Variants in ITIH2 observed in about 807,000 individuals in gnomAD.
ITIH2 encodes the protein inter-alpha-trypsin inhibitor heavy chain 2.
Under a neutral mutation model 104.4 loss-of-function variants are expected in ITIH2, and 103 were observed. The ratio of observed to expected loss-of-function variants is 0.99; its 90% CI spans 0.84 to 1.16. The LOEUF is 1.16. ITIH2 is among the 50% of genes most tolerant of loss of function. The pLI is 0.00. For missense variants in ITIH2, 1,108 were observed against 1,162.4 expected (o/e 0.95, Z 0.68); for synonymous variants, 436 against 435.4 (o/e 1.00, Z -0.02).
chr10:7,718,105 C>T (rs909207287), intron 6 of ITIH2, among the ~76,000 whole-genome samples: 1 of 152,102 alleles, frequency 6.6e-6, no homozygotes, highest in Non-Finnish European at 1.5e-5. Flanking sequence ...GAGCTGCACT[C>T]TCTCTCTCTG....
At position 7,703,442 on chromosome 10, in the gene ITIH2, G is replaced by C. The variant is rs141898195; in HGVS notation, c.8G>C (p.Arg3Thr). ...GCAAAACTGTCCAGCAAAATGAAAA[G>C]ACTCACGTGCTTTTTCATCTGCTTC... MK[R>T]LTCFFICFFL... The change falls in exon 1 of 21, where the codon AGA becomes ACA. Residue 3 changes from arginine (R) to threonine (T), a missense_variant. Transcript: ENST00000358415. 174 of 1,613,314 alleles carry C rather than the reference G, an allele frequency of 1.1e-4. 3 individuals are homozygous for C. The East Asian group carries it at 3.8e-3, about 36-fold the overall frequency.
chr10:7,712,361 C>T (rs1357926372), intron 4 of ITIH2, among the ~76,000 whole-genome samples: 3 of 152,110 alleles, frequency 2.0e-5, no homozygotes, highest in African/African-American at 7.2e-5. Context: ...TCTCCAAGGC[C>T]CCACCTCGTA....
intron 1 of ITIH2, among the ~76,000 whole-genome samples, chr10:7,704,204 T>C (rs59025167): frequency 0.07 from 10,649 of 152,298 alleles, 386 homozygotes; most frequent in Admixed American, 0.084. Context: ...AAGCATGTTA[T>C]GGGAACATCC....
At chr10:7,724,837 G>A (rs115250487) in intron 9 of ITIH2, among the ~76,000 whole-genome samples, 2,312 of 152,086 alleles carry the variant, frequency 0.015, 51 homozygotes, top group African/African-American at 0.05. Flanking sequence ...CAAATATAAC[G>A]TCAGACATTG....
chr10:7,739,710 A>G (rs1483298613), intron 16 of ITIH2, among the ~76,000 whole-genome samples: 5 of 151,748 alleles, frequency 3.3e-5, no homozygotes, highest in African/African-American at 1.2e-4. Flanking sequence ...AAAAAAAACA[A>G]AAACAAAAAC....
At chr10:7,719,760 CAAAAA>C (rs71385664) in intron 6 of ITIH2, among the ~76,000 whole-genome samples, 966 of 41,676 alleles carry the variant, frequency 0.023, 6 homozygotes, top group Non-Finnish European at 0.033. Context: ...GACCCTGTCT[CAAAAA>C]AAAAAAAAAA....
chr10:7,720,749 C>T (rs893919599), intron 6 of ITIH2, 107 bp from the exon 7 acceptor site: 9 of 669,086 alleles, frequency 1.3e-5, no homozygotes, highest in African/African-American at 7.2e-5. Context: ...GCCCGGGAAA[C>T]CTGCGGAGGA....
At chr10:7,746,444 T>C in intron 19 of ITIH2, 149 bp from the exon 20 acceptor site, 1 of 601,856 alleles carries the variant, frequency 1.7e-6, no homozygotes, top group Non-Finnish European at 3.0e-6. Context: ...GGACCCTCCC[T>C]CCCATCACCA....
chr10:7,736,454 T>C (rs1480491750), intron 15 of ITIH2, among the ~76,000 whole-genome samples: 2 of 152,190 alleles, frequency 1.3e-5, no homozygotes, highest in Non-Finnish European at 2.9e-5. Context: ...TATATCCTAT[T>C]GTAATATATT....
intron 14 of ITIH2, among the ~76,000 whole-genome samples, chr10:7,733,005 G>T (rs749781598): frequency 2.6e-5 from 4 of 152,126 alleles, no homozygotes; most frequent in Non-Finnish European, 5.9e-5. Context: ...GGGATTACAG[G>T]CATGAGCCAC....
intron 11 of ITIH2, 147 bp downstream of exon 11, chr10:7,727,975 C>A: frequency 1.1e-6 from 1 of 926,784 alleles, no homozygotes; most frequent in Non-Finnish European, 1.6e-6. Context: ...GTCTTCTGAT[C>A]CTGCAGCCCT....
chr10:7,719,298 A>G (rs940976102), intron 6 of ITIH2, among the ~76,000 whole-genome samples: 1 of 152,182 alleles, frequency 6.6e-6, no homozygotes, highest in African/African-American at 2.4e-5. Context: ...GAATTGAAAA[A>G]AGATGCCCGT....
In ITIH2 at chr10:7,748,521, C is replaced by CT. The variant is rs549517172; in HGVS notation, c.2694-629dup. ...AGTTAAGAGGTGCCGCCAATGCATT[C>CT]TTTTTTTTTTTTTTTTTTTTTTTTT... On this transcript the variant is annotated intron_variant, in intron 20 of 20. Transcript: ENST00000358415. Among the ~76,000 whole-genome samples, 182 of 27,120 alleles carry CT rather than the reference C, an allele frequency of 6.7e-3. 66 individuals carry two copies. The highest frequency in any genetic ancestry group is 1.0e-2 in the African/African-American group (66 of 6,620). 17.8% of individuals were successfully genotyped at this position (27,120 alleles called of 152,430 possible).
At position 7,721,782 on chromosome 10, in the gene ITIH2, G is replaced by C. The variant is rs368806200; in HGVS notation, c.867+5G>C. 131 of 1,613,482 alleles carry C rather than the reference G, an allele frequency of 8.1e-5. No individual in the cohort carries two copies. Among genetic ancestry groups the C allele is most frequent in the Non-Finnish European group, 1.1e-4 (126 of 1,179,734 alleles). On this transcript the variant is annotated splice_donor_5th_base_variant and intron_variant, in intron 8 of 20. Transcript: ENST00000358415. ...GAGAAGGCTGGTGAACTGGAGGTGA[G>C]TGCACACCGGCTCTGGTTCTACTGC... is the stretch of plus-strand genomic sequence containing the variant.
chr10:7,730,160 A>G (rs776342789), intron 12 of ITIH2, 27 bp downstream of exon 12: 1 of 1,528,228 alleles, frequency 6.5e-7, no homozygotes, highest in East Asian at 2.3e-5. Context: ...TTCTTTTTTT[A>G]TTCTTCACTG....
At chr10:7,737,700 A>T (rs1263105148) in intron 15 of ITIH2, among the ~76,000 whole-genome samples, 1 of 31,076 alleles carries the variant, frequency 3.2e-5, no homozygotes, top group East Asian at 1.6e-3. Context: ...ATTCTATATA[A>T]TATTCTATAT....
chr10:7,743,609 C>G (rs922020419), intron 17 of ITIH2, among the ~76,000 whole-genome samples: 3 of 151,880 alleles, frequency 2.0e-5, no homozygotes, highest in Non-Finnish European at 2.9e-5. Flanking sequence ...CCCCACCCCC[C>G]ACTACTAAAA....
At chr10:7,716,166 G>A (rs953755297) in intron 5 of ITIH2, among the ~76,000 whole-genome samples, 1 of 152,114 alleles carries the variant, frequency 6.6e-6, no homozygotes, top group African/African-American at 2.4e-5. Flanking sequence ...TGCGTTTTTA[G>A]TAGAGACAGG....
At chr10:7,736,715 A>G (rs1835058924) in intron 15 of ITIH2, among the ~76,000 whole-genome samples, 1 of 152,186 alleles carries the variant, frequency 6.6e-6, no homozygotes, top group Non-Finnish European at 1.5e-5. Flanking sequence ...TCTTACTGGG[A>G]AAAATGTGAC....
Sources: allele counts gnomAD v4.1 joint callset (sites outside exome capture counted in the v4.1 genomes callset), GRCh38; gene constraint gnomAD v4.1.1; transcripts MANE v1.5; gene names NCBI Gene and HGNC (gene_info 2026-07-23, HGNC 2026-07-21).